RPAP2: variants seen among roughly 807,000 people sequenced by gnomAD.
The protein encoded by RPAP2 is putative RNA polymerase II subunit B1 CTD phosphatase RPAP2.
A neutral mutation model predicts 73.1 loss-of-function variants in RPAP2; 52 were observed. That is an observed-to-expected ratio of 0.71 (90% CI 0.57 to 0.90). The LOEUF is 0.90. Ranked by LOEUF, RPAP2 falls within the 40% of genes least tolerant of loss-of-function variation. The pLI is 0.00. For synonymous variants in RPAP2, 225 were observed against 242.1 expected (o/e 0.93, Z 0.65); for missense variants, 598 against 701.8 (o/e 0.85, Z 1.67).
In RPAP2 at chr1:92,323,760, T is replaced by C; in HGVS notation, c.840T>C (p.Asp280=). ...VTEQLGDCKL[D]SQEKDATCEL... ...AGCAGTTAGGCGATTGCAAATTAGA[T>C]AGTCAGGAGAAAGATGCTACATGTG... The change falls in exon 8 of 13, where the codon GAT becomes GAC. Residue 280 remains aspartate (D), a synonymous_variant. Coordinates refer to ENST00000610020, the MANE Select transcript of RPAP2 (RefSeq NM_024813.3). 2.5e-6 allele frequency: 4 copies of C among 1,614,068 alleles called. No individual in the cohort carries two copies. Among genetic ancestry groups the C allele is most frequent in the East Asian group, 4.5e-5 (2 of 44,872 alleles).
intron 11 of RPAP2, among the ~76,000 whole-genome samples, chr1:92,356,733 C>T (rs1368269530): frequency 6.6e-6 from 1 of 151,566 alleles, no homozygotes; most frequent in Non-Finnish European, 1.5e-5. Flanking sequence ...CCACACCTGG[C>T]CCATTTTCCT....
At chr1:92,303,854 A>G in intron 3 of RPAP2, 123 bp from the exon 4 acceptor site, 2 of 546,440 alleles carry the variant, frequency 3.7e-6, no homozygotes, top group Non-Finnish European at 3.1e-6. Flanking sequence ...TCTAACCTCT[A>G]ACTTATGAGG....
chr1:92,343,003 T>C (rs1389753404), intron 10 of RPAP2, among the ~76,000 whole-genome samples: 1 of 152,172 alleles, frequency 6.6e-6, no homozygotes, highest in Non-Finnish European at 1.5e-5. Flanking sequence ...CTAGAGCTAA[T>C]ACATTTGAGA....
intron 11 of RPAP2, among the ~76,000 whole-genome samples, chr1:92,360,980 C>T (rs1374604156): frequency 6.6e-6 from 1 of 151,734 alleles, no homozygotes; most frequent in Non-Finnish European, 1.5e-5. Flanking sequence ...TTTATTTTCT[C>T]ATATTCATGA....
rs1650853236 is a variant in RPAP2 at position 92,301,460 on chromosome 1, C to T, written c.120-16C>T. Reference sequence around the variant, plus strand: ...TGAAGCTTTTAAGTAGATTAAGTTTCTCTTTCAAATTTTAGGAAAGCTGAA... The same window carrying T: ...TGAAGCTTTTAAGTAGATTAAGTTTTTCTTTCAAATTTTAGGAAAGCTGAA... On this transcript the variant is annotated splice_polypyrimidine_tract_variant and intron_variant, in intron 2 of 12. Transcript: ENST00000610020. 7.1e-7 allele frequency: 1 copy of T among 1,402,802 alleles called. No homozygotes were observed. Among genetic ancestry groups the T allele is most frequent in the Non-Finnish European group, 1.0e-6 (1 of 1,004,394 alleles). 86.9% of individuals were successfully genotyped at this position (1,402,802 alleles called of 1,614,324 possible). A position where few individuals can be genotyped will look rare whatever the true frequency, so the allele number is the denominator to read the frequency against.
intron 10 of RPAP2, among the ~76,000 whole-genome samples, chr1:92,343,338 A>AT (rs1245655535): frequency 2.3e-4 from 35 of 152,266 alleles, no homozygotes; most frequent in African/African-American, 8.4e-4. Context: ...GAGGTGGGTG[A>AT]TATTATTGTC....
intron 9 of RPAP2, among the ~76,000 whole-genome samples, chr1:92,336,146 C>T (rs1653264119): frequency 6.6e-6 from 1 of 152,114 alleles, no homozygotes; most frequent in African/African-American, 2.4e-5. Flanking sequence ...CACTCAGTAA[C>T]AGACTACAAA....
intron 5 of RPAP2, among the ~76,000 whole-genome samples, chr1:92,306,027 A>G (rs1571021679): frequency 6.6e-6 from 1 of 152,350 alleles, no homozygotes; most frequent in East Asian, 1.9e-4. Flanking sequence ...TATACACACA[A>G]TGGAATATTA....
chr1:92,344,138 C>T (rs367938124), intron 10 of RPAP2, among the ~76,000 whole-genome samples: 4 of 152,032 alleles, frequency 2.6e-5, no homozygotes, highest in Admixed American at 1.3e-4. Context: ...AGCTGGGCAC[C>T]GTAGCTCATA....
At chr1:92,378,797 T>C (rs529827515) in intron 11 of RPAP2, among the ~76,000 whole-genome samples, 32 of 152,338 alleles carry the variant, frequency 2.1e-4, no homozygotes, top group African/African-American at 7.2e-4. Flanking sequence ...GGGCTTGGCA[T>C]TGGAATACTT....
At chr1:92,353,663 T>C (rs547185808) in intron 11 of RPAP2, among the ~76,000 whole-genome samples, 24 of 152,342 alleles carry the variant, frequency 1.6e-4, no homozygotes, top group African/African-American at 5.3e-4. Context: ...ATTTGTTATC[T>C]TATGATATTT....
intron 8 of RPAP2, among the ~76,000 whole-genome samples, chr1:92,330,082 A>G (rs1411454142): frequency 6.6e-6 from 1 of 152,180 alleles, no homozygotes; most frequent in Non-Finnish European, 1.5e-5. Context: ...TAGTGGACCA[A>G]GTGGGAATGA....
chr1:92,335,497 T>C, intron 9 of RPAP2, among the ~76,000 whole-genome samples: 1 of 152,118 alleles, frequency 6.6e-6, no homozygotes, highest in East Asian at 1.9e-4. Flanking sequence ...ATAACTACTA[T>C]TAATATTTTG....
chr1:92,358,439 A>G (rs1432820029), intron 11 of RPAP2, among the ~76,000 whole-genome samples: 1 of 152,164 alleles, frequency 6.6e-6, no homozygotes, highest in Non-Finnish European at 1.5e-5. Flanking sequence ...CTGACTAGAT[A>G]AAATATCTCT....
At position 92,395,143 on chromosome 1, in the gene RPAP2, C is replaced by T. The variant is rs1656153202; in HGVS notation, c.*8132C>T. ...TTAGATTCTTACCTCCTACCATATG[C>T]AAAAATAAACTCAAAATTGATCACA... is the stretch of plus-strand genomic sequence containing the variant. On this transcript the variant is annotated 3_prime_UTR_variant, in exon 13 of 13. Coordinates refer to ENST00000610020, the MANE Select transcript of RPAP2 (RefSeq NM_024813.3). The T allele has an allele frequency of 6.6e-6, 1 of 152,058 alleles. No homozygotes were observed. The highest frequency in any genetic ancestry group is 2.1e-4 in the South Asian group (1 of 4,820). The allele number at this position is 152,058 out of a possible 1,614,324, so 9.4% of individuals were successfully genotyped here. A position where few individuals can be genotyped will look rare whatever the true frequency, so the allele number is the denominator to read the frequency against.
chr1:92,340,425 C>A (rs1389380721), intron 10 of RPAP2, among the ~76,000 whole-genome samples: 1 of 152,162 alleles, frequency 6.6e-6, no homozygotes, highest in Non-Finnish European at 1.5e-5. Context: ...GTTGAGAAAT[C>A]TTTTCAATCA....
At chr1:92,341,961 C>A (rs956147067) in intron 10 of RPAP2, among the ~76,000 whole-genome samples, 3 of 152,154 alleles carry the variant, frequency 2.0e-5, no homozygotes, top group Non-Finnish European at 4.4e-5. Flanking sequence ...AAATTTTATT[C>A]TTTTGTCATT....
At position 92,315,098 on chromosome 1, in the gene RPAP2, C is replaced by G. The variant is rs549325763; in HGVS notation, c.489-5501C>G. On this transcript the variant is annotated intron_variant, in intron 6 of 12. Transcript: ENST00000610020. ...CTTTTCAGAGAGACAGAGGTCTTGT[C>G]TTGTTGCAGTCTCAAAAAAAAAAAA... 4.0e-4 allele frequency among the ~76,000 whole-genome samples: 61 copies of G among 151,022 alleles called. 1 individual carries two copies. Among genetic ancestry groups the G allele is most frequent in the African/African-American group, 1.5e-3 (61 of 41,078 alleles).
At chr1:92,299,227 G>T in intron 1 of RPAP2, 81 bp downstream of exon 1, 2 of 838,864 alleles carry the variant, frequency 2.4e-6, no homozygotes, top group East Asian at 3.3e-5. Flanking sequence ...GCGCGCGGGC[G>T]CTCCTGAAAG....
Sources: allele counts gnomAD v4.1 joint callset (sites outside exome capture counted in the v4.1 genomes callset), GRCh38; gene constraint gnomAD v4.1.1; transcripts MANE v1.5; gene names NCBI Gene and HGNC (gene_info 2026-07-23, HGNC 2026-07-21).